CRTC3: variants seen among roughly 807,000 people sequenced by gnomAD.
CRTC3 encodes the protein CREB regulated transcription coactivator 3.
In CRTC3, 26 loss-of-function variants were observed where a neutral mutation model predicts 74.5. The ratio of observed to expected loss-of-function variants is 0.35; its 90% confidence interval spans 0.26 to 0.48. CRTC3 has a LOEUF of 0.48. Among genes scored for constraint, CRTC3 ranks in the 20% least tolerant of loss-of-function variants. The pLI, the probability that CRTC3 is intolerant of heterozygous loss-of-function variation, is 0.99. For missense variants in CRTC3, 760 were observed against 787.3 expected (o/e 0.97, Z 0.41); for synonymous variants, 377 against 325.8 (o/e 1.16, Z -1.69).
intron 9 of CRTC3, among the ~76,000 whole-genome samples, chr15:90,624,691 G>A (rs1056639861): frequency 5.3e-5 from 8 of 152,208 alleles, no homozygotes; most frequent in African/African-American, 1.7e-4. Flanking sequence ...TTCCTGCCAC[G>A]TTGCAGTTAC....
At chr15:90,566,564 G>A (rs1596087553) in intron 2 of CRTC3, among the ~76,000 whole-genome samples, 1 of 127,936 alleles carries the variant, frequency 7.8e-6, no homozygotes, top group South Asian at 2.7e-4. Flanking sequence ...AAAAAAAAAA[G>A]AGGAAGAAGA....
At chr15:90,607,239 G>A in intron 5 of CRTC3, 139 bp from the exon 6 acceptor site, 1 of 554,404 alleles carries the variant, frequency 1.8e-6, no homozygotes, top group South Asian at 2.4e-5. Context: ...ACTTCAGGTA[G>A]GTCCTAACCC....
intron 11 of CRTC3, among the ~76,000 whole-genome samples, chr15:90,630,310 C>T (rs1332121625): frequency 6.6e-6 from 1 of 152,158 alleles, no homozygotes; most frequent in Non-Finnish European, 1.5e-5. Context: ...TGAATTAGAC[C>T]TCTTCCCTAA....
intron 2 of CRTC3, among the ~76,000 whole-genome samples, chr15:90,551,990 C>G (rs1438728687): frequency 9.5e-6 from 1 of 105,754 alleles, no homozygotes; most frequent in East Asian, 2.7e-4. Context: ...AAGGAACAGA[C>G]TGACCCTGTG....
intron 2 of CRTC3, among the ~76,000 whole-genome samples, chr15:90,563,013 G>T (rs1967045745): frequency 6.6e-6 from 1 of 152,202 alleles, no homozygotes; most frequent in African/African-American, 2.4e-5. Flanking sequence ...TGTCATTCAT[G>T]AAATTGCTCA....
intron 8 of CRTC3, chr15:90,618,312 C>T (rs1385195608): frequency 5.7e-6 from 1 of 174,906 alleles, no homozygotes; most frequent in East Asian, 1.6e-4. Context: ...TTTTTTTAGC[C>T]AGCACTTTAT....
At chr15:90,615,898 C>T (rs191791988) in intron 7 of CRTC3, among the ~76,000 whole-genome samples, 181 of 150,896 alleles carry the variant, frequency 1.2e-3, no homozygotes, top group African/African-American at 4.3e-3. Flanking sequence ...CTCGCTCTGT[C>T]GCCAGGCTGG....
intron 11 of CRTC3, among the ~76,000 whole-genome samples, chr15:90,634,407 C>T (rs1468998553): frequency 6.6e-6 from 1 of 152,224 alleles, no homozygotes; most frequent in African/African-American, 2.4e-5. Flanking sequence ...GCCAGCACGC[C>T]AGCCTTGTTA....
chr15:90,617,508 G>A (rs1210479924), intron 7 of CRTC3, among the ~76,000 whole-genome samples: 1 of 152,076 alleles, frequency 6.6e-6, no homozygotes. Flanking sequence ...AGGTAGGTAG[G>A]ATGGATGCTT....
intron 9 of CRTC3, among the ~76,000 whole-genome samples, chr15:90,623,173 G>A (rs1329668538): frequency 6.6e-6 from 1 of 152,060 alleles, no homozygotes; most frequent in Non-Finnish European, 1.5e-5. Flanking sequence ...GCCTTTCTCT[G>A]CTAGTTAACT....
intron 2 of CRTC3, among the ~76,000 whole-genome samples, chr15:90,589,407 A>G (rs563029173): frequency 6.6e-6 from 1 of 152,004 alleles, no homozygotes; most frequent in South Asian, 2.1e-4. Context: ...GCTGGAGTAC[A>G]GTGGCTCAAT....
At chr15:90,638,924 G>A in intron 13 of CRTC3, 109 bp downstream of exon 13, 1 of 927,250 alleles carries the variant, frequency 1.1e-6, no homozygotes, top group Admixed American at 2.0e-5. Context: ...CACTTTCCTG[G>A]TTCTGGTTGT....
intron 2 of CRTC3, among the ~76,000 whole-genome samples, chr15:90,546,635 T>C (rs1966844670): frequency 6.6e-6 from 1 of 152,136 alleles, no homozygotes; most frequent in African/African-American, 2.4e-5. Flanking sequence ...TTATTTTTAT[T>C]TTTTTGAGAC....
chr15:90,614,663 G>A (rs983923593), intron 7 of CRTC3, 175 bp downstream of exon 7: 1 of 517,972 alleles, frequency 1.9e-6, no homozygotes, highest in Admixed American at 3.7e-5. Flanking sequence ...CCATGTTCAG[G>A]GCCAGGAGAA....
At chr15:90,639,550 A>C (rs902027232) in intron 13 of CRTC3, among the ~76,000 whole-genome samples, 1 of 150,598 alleles carries the variant, frequency 6.6e-6, no homozygotes, top group Non-Finnish European at 1.5e-5. Context: ...CCTGGGTTCA[A>C]GTGATTCTCA....
chr15:90,632,199 G>T (rs1969064353), intron 11 of CRTC3, among the ~76,000 whole-genome samples: 1 of 151,550 alleles, frequency 6.6e-6, no homozygotes, highest in Non-Finnish European at 1.5e-5. Flanking sequence ...TATTTTATAA[G>T]ATCTAAAAGT....
At chr15:90,564,349 C>T (rs1967077079) in intron 2 of CRTC3, among the ~76,000 whole-genome samples, 1 of 152,156 alleles carries the variant, frequency 6.6e-6, no homozygotes, top group South Asian at 2.1e-4. Flanking sequence ...TATTTGTTAA[C>T]CCTATGACAT....
At chr15:90,604,128 A>G (rs1295046296) in intron 4 of CRTC3, 8 of 364,610 alleles carry the variant, frequency 2.2e-5, no homozygotes, top group Non-Finnish European at 3.6e-5. Context: ...TCATCTGCCC[A>G]GCTAGCTAAT....
intron 6 of CRTC3, among the ~76,000 whole-genome samples, chr15:90,610,026 T>C (rs544553455): frequency 6.6e-6 from 1 of 152,278 alleles, no homozygotes; most frequent in South Asian, 2.1e-4. Context: ...CATCCTAATA[T>C]GGATGTGTTT....
Sources: allele counts gnomAD v4.1 joint callset (sites outside exome capture counted in the v4.1 genomes callset), GRCh38; gene constraint gnomAD v4.1.1; transcripts MANE v1.5; gene names NCBI Gene and HGNC (gene_info 2026-07-23, HGNC 2026-07-21).